BRSK1: variants seen among roughly 807,000 people sequenced by gnomAD.
The protein encoded by BRSK1 is serine/threonine-protein kinase BRSK1.
A neutral mutation model predicts 86.2 loss-of-function variants in BRSK1; 17 were observed. That is an observed-to-expected ratio of 0.20 (90% CI 0.14 to 0.30). The LOEUF is 0.30. Ranked by LOEUF, BRSK1 falls within the 10% of genes least tolerant of loss-of-function variation. The probability of loss-of-function intolerance (pLI) is 1.00; values close to 1 mark genes in which losing one functional copy is unlikely to be tolerated. For synonymous variants in BRSK1, 464 were observed against 440.1 expected (o/e 1.05, Z -0.68); for missense variants, 719 against 1,071.9 (o/e 0.67, Z 4.60).
At position 55,310,889 on chromosome 19, in the gene BRSK1, T is replaced by G. The variant is rs1186627433; in HGVS notation, c.2180-1022T>G. On this transcript the variant is annotated intron_variant, in intron 18 of 18. Coordinates refer to ENST00000309383, the MANE Select transcript of BRSK1 (RefSeq NM_032430.2). The surrounding 1 kb of genome is among the most constrained non-coding windows in gnomAD (Gnocchi z 5.0). ...GGCACCCTGGGGGGCTCAGCCACCA[T>G]CTCATAAAGGAGAATGGGGTGGGGG... 6.6e-6 allele frequency among the ~76,000 whole-genome samples: 1 copy of G among 152,074 alleles called. No homozygotes were observed. The highest frequency in any genetic ancestry group is 2.4e-5 in the African/African-American group (1 of 41,408).
rs767613991 is a variant in BRSK1 at position 55,311,943 on chromosome 19, G to C, written c.2212G>C (p.Gly738Arg). ...GAACGGGGCCCAGACCCGGCCTGCT[G>C]GTGCCCCACCCCGAAGCCTGCAGCC... is the stretch of plus-strand genomic sequence containing the variant. Reference protein sequence around the residue: ...EKNGAQTRPAGAPPRSLQPPP... With the variant: ...EKNGAQTRPARAPPRSLQPPP... Residue 738 changes from glycine (G) to arginine (R), a missense_variant, in exon 19 of 19, where the codon GGT becomes CGT. By Grantham distance (125) the Gly-to-Arg change is moderately radical. Coordinates refer to ENST00000309383, the MANE Select transcript of BRSK1 (RefSeq NM_032430.2). 2 of 1,611,226 alleles carry C rather than the reference G, an allele frequency of 1.2e-6. No homozygotes were observed. The highest frequency in any genetic ancestry group is 2.2e-5 in the South Asian group (2 of 90,904).
chr19:55,288,674 C>T (rs896437040), intron 3 of BRSK1, among the ~76,000 whole-genome samples: 9 of 151,958 alleles, frequency 5.9e-5, no homozygotes, highest in Non-Finnish European at 1.0e-4. Flanking sequence ...CAACCTCCAC[C>T]TCCTGGGTTC....
intron 7 of BRSK1, among the ~76,000 whole-genome samples, chr19:55,300,855 A>AGAAAG (rs1327086183): frequency 2.6e-5 from 4 of 152,162 alleles, no homozygotes; most frequent in African/African-American, 4.8e-5. Flanking sequence ...AAAGAAAGAA[A>AGAAAG]GAAAGAAAAG....
chr19:55,309,966 C>T (rs1348671160), intron 18 of BRSK1, among the ~76,000 whole-genome samples: 3 of 152,148 alleles, frequency 2.0e-5, no homozygotes, highest in Non-Finnish European at 4.4e-5. Flanking sequence ...CTTCCTGGAC[C>T]CCTGGACCCC....
At position 55,304,191 on chromosome 19, in the gene BRSK1, A is replaced by G. The variant is rs2088613096; in HGVS notation, c.1347+81A>G. The G allele has an allele frequency of 2.2e-6, 3 of 1,375,172 alleles. No individual in the cohort carries two copies. Among genetic ancestry groups the G allele is most frequent in the Non-Finnish European group, 3.0e-6 (3 of 996,518 alleles). 85.2% of individuals were successfully genotyped at this position (1,375,172 alleles called of 1,614,324 possible). A position where few individuals can be genotyped will look rare whatever the true frequency, so the allele number is the denominator to read the frequency against. On this transcript the variant is annotated intron_variant, in intron 13 of 18. Transcript: ENST00000309383. This position sits in a 1 kb window ranked among gnomAD's most constrained non-coding sequence, Gnocchi z 5.2. ...CAAAGATTGAGTAGCAGAAACTACAATTCCTGTGCAGTCTTGAGACTTGCT... is the reference window on the plus strand; with the variant it reads ...CAAAGATTGAGTAGCAGAAACTACAGTTCCTGTGCAGTCTTGAGACTTGCT...
intron 18 of BRSK1, 56 bp downstream of exon 18, chr19:55,308,784 C>A (rs1673053): frequency 6.6e-5 from 1 of 15,118 alleles, no homozygotes; most frequent in South Asian, 9.9e-4. Flanking sequence ...CCGTGGGTGG[C>A]GGGGGGCGTG....
At chr19:55,290,984 A>G (rs1004636066) in intron 4 of BRSK1, among the ~76,000 whole-genome samples, 9 of 122,286 alleles carry the variant, frequency 7.4e-5, no homozygotes, top group African/African-American at 3.0e-4. Context: ...ACTTTTGCCC[A>G]ACTCAAGGTC....
rs1600191068 is a variant in BRSK1 at position 55,306,519 on chromosome 19, G to C, written c.2089+69G>C. On this transcript the variant is annotated intron_variant, in intron 17 of 18. Transcript: ENST00000309383. This position sits in a 1 kb window ranked among gnomAD's most constrained non-coding sequence, Gnocchi z 4.7. ...GTTCACGACAGCTGAGACAGTGTAG[G>C]GGCCCAGGAGTGCAGCAGCAGGAGG... The C allele has an allele frequency of 6.4e-6, 10 of 1,552,210 alleles. No individual in the cohort carries two copies. The South Asian group carries it at 1.1e-4, about 17-fold the overall frequency.
At position 55,301,499 on chromosome 19, in the gene BRSK1, A is replaced by T; in HGVS notation, c.679-13A>T. On this transcript the variant is annotated splice_polypyrimidine_tract_variant and intron_variant, in intron 7 of 18. Transcript: ENST00000309383. ...AATGTGCTAATGAGGGGTCCTGGTTATCTCTTGCCCAGGGGGCTCTGCCCT... is the reference window on the plus strand; with the variant it reads ...AATGTGCTAATGAGGGGTCCTGGTTTTCTCTTGCCCAGGGGGCTCTGCCCT... 1 of 1,612,864 alleles carries T rather than the reference A, an allele frequency of 6.2e-7. No individual in the cohort carries two copies. The highest frequency in any genetic ancestry group is 8.5e-7 in the Non-Finnish European group (1 of 1,179,620).
chr19:55,296,642 C>T (rs1218840195), intron 7 of BRSK1, among the ~76,000 whole-genome samples: 2 of 152,138 alleles, frequency 1.3e-5, no homozygotes, highest in African/African-American at 2.4e-5. Context: ...GTCAGGAAAT[C>T]GAGACCGTCC....
chr19:55,284,505 C>G lies in BRSK1; in HGVS notation c.63C>G (p.His21Gln). The G allele has an allele frequency of 8.7e-7, 1 of 1,155,750 alleles. No homozygotes were observed. The highest frequency in any genetic ancestry group is 1.2e-6 in the Non-Finnish European group (1 of 868,916). 71.6% of individuals were successfully genotyped at this position (1,155,750 alleles called of 1,614,324 possible). A position where few individuals can be genotyped will look rare whatever the true frequency, so the allele number is the denominator to read the frequency against. ...GSPAYHLPHP[H>Q]PHPPQHAQYV... Reference sequence around the variant, plus strand: ...CCGCCTACCACCTCCCCCACCCCCACCCCCACCCACCCCAGCACGCCCAAT... The same window carrying G: ...CCGCCTACCACCTCCCCCACCCCCAGCCCCACCCACCCCAGCACGCCCAAT... The change falls in exon 1 of 19, where the codon CAC (histidine) becomes CAG (glutamine). Residue 21 changes from histidine to glutamine, a missense_variant. His to Gln is a conservative substitution (Grantham distance 24). Coordinates refer to ENST00000309383, the MANE Select transcript of BRSK1 (RefSeq NM_032430.2).
At chr19:55,286,887 G>A in intron 1 of BRSK1, 120 bp from the exon 2 acceptor site, 1 of 847,490 alleles carries the variant, frequency 1.2e-6, no homozygotes, top group Non-Finnish European at 1.9e-6. Flanking sequence ...ATGTGTTCAG[G>A]CCATTGTTAA....
intron 7 of BRSK1, among the ~76,000 whole-genome samples, chr19:55,296,622 G>A (rs1396214956): frequency 6.6e-6 from 1 of 152,082 alleles, no homozygotes; most frequent in Non-Finnish European, 1.5e-5. Context: ...CGAGGTGGGC[G>A]GATCACGAGG....
Position 55,302,033 on chromosome 19 carries a change from C to A in BRSK1, c.826-104C>A. On this transcript the variant is annotated intron_variant, in intron 8 of 18. Transcript: ENST00000309383. The surrounding 1 kb of genome is among the most constrained non-coding windows in gnomAD (Gnocchi z 6.3). The stretch of plus-strand genomic sequence containing the variant: ...GTCATCCTGCCCCCGGTGGGGTGGG[C>A]GGGGAGATGATCAGGGACCCCAAAA... 2 of 1,285,796 alleles carry A rather than the reference C, an allele frequency of 1.6e-6. No homozygotes were observed. The highest frequency in any genetic ancestry group is 1.1e-6 in the Non-Finnish European group (1 of 882,512). The allele number at this position is 1,285,796 out of a possible 1,614,324, so 79.6% of individuals were successfully genotyped here. A position where few individuals can be genotyped will look rare whatever the true frequency, so the allele number is the denominator to read the frequency against.
Position 55,284,469 on chromosome 19 carries a change from T to C in BRSK1, c.27T>C (p.Gly9=). ...TGTCGTCCGGGGCCAAGGAGGGAGG[T>C]GGGGGCTCTCCCGCCTACCACCTCC... MSSGAKEG[G]GGSPAYHLPH... The change falls in exon 1 of 19, where the codon GGT becomes GGC. Residue 9 remains glycine, a synonymous_variant. Transcript: ENST00000309383. 7.7e-7 allele frequency: 1 copy of C among 1,298,522 alleles called. No homozygotes were observed. The allele number at this position is 1,298,522 out of a possible 1,614,324, so 80.4% of individuals were successfully genotyped here.
Position 55,294,084 on chromosome 19 carries a change from G to A in BRSK1, c.526G>A (p.Gly176Ser). 1 of 1,613,970 alleles carries A rather than the reference G, an allele frequency of 6.2e-7. No individual in the cohort carries two copies. The highest frequency in any genetic ancestry group is 8.5e-7 in the Non-Finnish European group (1 of 1,179,908). Residue 176 changes from glycine (G) to serine (S), a missense_variant, in exon 5 of 19, where the codon GGC becomes AGC. Physicochemically the swap from Gly to Ser is moderately conservative, Grantham distance 56. Around this residue, in one of 6 missense-constraint regions of BRSK1, gnomAD observed 75 missense variants for 281.0 expected, o/e 0.27. Transcript: ENST00000309383. This position sits in a 1 kb window ranked among gnomAD's most constrained non-coding sequence, Gnocchi z 4.9. ...EKNNIRIADFGMASLQVGDSL... is the reference protein window; with the variant it reads ...EKNNIRIADFSMASLQVGDSL... ...AAACAACATCCGCATTGCAGACTTC[G>A]GCATGGCGTCCCTGCAGGTGGGGGA...
chr19:55,307,581 C>G (rs946282301), intron 17 of BRSK1, among the ~76,000 whole-genome samples: 1 of 143,834 alleles, frequency 7.0e-6, no homozygotes, highest in Non-Finnish European at 1.5e-5. Context: ...AATATGCAGA[C>G]CTTTCTCAAT....
At position 55,284,380 on chromosome 19, in the gene BRSK1, A is replaced by G. The variant is rs562289626; in HGVS notation, c.-63A>G. 3.5e-6 allele frequency: 3 copies of G among 857,754 alleles called. No individual in the cohort carries two copies. In the South Asian group the frequency reaches 1.8e-4, roughly 51 times the overall value. 53.1% of individuals were successfully genotyped at this position (857,754 alleles called of 1,614,324 possible). A position where few individuals can be genotyped will look rare whatever the true frequency, so the allele number is the denominator to read the frequency against. On this transcript the variant is annotated 5_prime_UTR_variant, in exon 1 of 19. Coordinates refer to ENST00000309383, the MANE Select transcript of BRSK1 (RefSeq NM_032430.2). ...GAGCGGTCGCCGGCCCCCACCGGAGAGACGGGGCGACGGCCGCAGGGGGGG... is the reference window on the plus strand; with the variant it reads ...GAGCGGTCGCCGGCCCCCACCGGAGGGACGGGGCGACGGCCGCAGGGGGGG...
intron 7 of BRSK1, among the ~76,000 whole-genome samples, chr19:55,296,119 C>G (rs1397143222): frequency 6.6e-6 from 1 of 152,136 alleles, no homozygotes; most frequent in Non-Finnish European, 1.5e-5. Context: ...TGTCACATTT[C>G]CAGGAAGCTT....
Sources: gnomAD v4.1 joint callset for allele counts (sites outside exome capture counted in the v4.1 genomes callset) on GRCh38, gnomAD v4.1.1 for gene constraint, gnomAD v4.1.1 regional missense constraint, Gnocchi (gnomAD v3.1) non-coding constraint, MANE v1.5 for transcripts, NCBI Gene and HGNC (gene_info 2026-07-23, HGNC 2026-07-21) for gene names.